CHID1: variants seen among roughly 807,000 people sequenced by gnomAD.
CHID1 encodes the protein chitinase domain-containing protein 1.
A neutral mutation model predicts 55.4 loss-of-function variants in CHID1; 44 were observed. The ratio of observed to expected loss-of-function variants is 0.79; its 90% CI spans 0.62 to 1.02. The LOEUF is 1.02. Ranked by LOEUF, CHID1 falls within the 50% of genes least tolerant of loss-of-function variation. The pLI, the probability that CHID1 is intolerant of heterozygous loss-of-function variation, is 0.00. For missense variants in CHID1, 491 were observed against 515.3 expected (o/e 0.95, Z 0.46); for synonymous variants, 216 against 212.9 (o/e 1.01, Z -0.13).
At chr11:899,533 G>T in intron 6 of CHID1, 132 bp from the exon 7 acceptor site, 1 of 783,182 alleles carries the variant, frequency 1.3e-6, no homozygotes, top group Admixed American at 2.2e-5. Context: ...ACCCAAGCCT[G>T]GGCTGTATGC....
chr11:894,230 C>A (rs776103040), intron 7 of CHID1, among the ~76,000 whole-genome samples: 2 of 152,096 alleles, frequency 1.3e-5, no homozygotes, highest in African/African-American at 2.4e-5. Context: ...CCAAGGGCCC[C>A]ACCTGCCTGG....
intron 2 of CHID1, among the ~76,000 whole-genome samples, chr11:903,441 G>A (rs1851973610): frequency 6.6e-6 from 1 of 152,198 alleles, no homozygotes; most frequent in Non-Finnish European, 1.5e-5. Context: ...CTGGCCACTC[G>A]ATACCCATCC....
Position 902,898 on chromosome 11 carries a change from C to T in CHID1, c.261+64G>A, listed in dbSNP as rs532740764. 54 of 1,517,730 alleles carry T rather than the reference C, an allele frequency of 3.6e-5. No individual in the cohort carries two copies. The African/African-American group carries it at 4.8e-4, about 13-fold the overall frequency. The allele number at this position is 1,517,730 out of a possible 1,614,324, so 94.0% of individuals were successfully genotyped here. ...ACTGACTGGCCAGAAGAGGCCATCA[C>T]GGGGCCAGGGCAGCCCACCTGAGCC... is the stretch of plus-strand genomic sequence containing the variant. On this transcript the variant is annotated intron_variant, in intron 3 of 12. Coordinates refer to ENST00000323578, the MANE Select transcript of CHID1 (RefSeq NM_023947.4).
At chr11:888,430 T>C (rs983079871) in intron 8 of CHID1, among the ~76,000 whole-genome samples, 4 of 152,204 alleles carry the variant, frequency 2.6e-5, no homozygotes, top group African/African-American at 9.6e-5. Context: ...CTCCCCAGCC[T>C]GTGTCCTTCA....
Position 876,245 on chromosome 11 carries a change from C to T in CHID1, c.960-5746G>A, listed in dbSNP as rs184755168. On this transcript the variant is annotated intron_variant, in intron 10 of 12. Transcript: ENST00000323578. The stretch of plus-strand genomic sequence containing the variant: ...GGAGGACCCACAGGACACCCCACAA[C>T]GGGTGGCCCATCTCACCCTGTGCAC... Among the ~76,000 whole-genome samples the T allele has an allele frequency of 3.3e-3, 505 of 152,280 alleles. 12 individuals are homozygous for T. In the South Asian group the frequency reaches 0.056, roughly 17 times the overall value.
At chr11:873,892 G>C (rs1268544759) in intron 10 of CHID1, among the ~76,000 whole-genome samples, 1 of 152,120 alleles carries the variant, frequency 6.6e-6, no homozygotes, top group Non-Finnish European at 1.5e-5. Context: ...GCCAAGGAAA[G>C]CCAAACAGGA....
chr11:888,220 A>G (rs1043154332), intron 8 of CHID1, among the ~76,000 whole-genome samples: 1 of 152,220 alleles, frequency 6.6e-6, no homozygotes, highest in Non-Finnish European at 1.5e-5. Context: ...GTGGTAACAC[A>G]ACACGAGGGA....
intron 3 of CHID1, among the ~76,000 whole-genome samples, chr11:902,568 A>C (rs1321838107): frequency 6.6e-6 from 1 of 152,212 alleles, no homozygotes; most frequent in Non-Finnish European, 1.5e-5. Flanking sequence ...GCTTGTCTTA[A>C]GCCCCACCTG....
intron 8 of CHID1, among the ~76,000 whole-genome samples, chr11:892,976 A>ACTCTCAGG (rs1325669038): frequency 1.3e-5 from 2 of 152,230 alleles, no homozygotes; most frequent in Non-Finnish European, 2.9e-5. Flanking sequence ...CCAACCGCAC[A>ACTCTCAGG]CAGCGAGTGG....
chr11:914,468 G>A, upstream of CHID1: 1 of 1,209,182 alleles, frequency 8.3e-7, no homozygotes, highest in Non-Finnish European at 1.1e-6. Flanking sequence ...GGCCTGCAGA[G>A]ATGAGTGTTT....
At chr11:900,140 C>A in intron 5 of CHID1, 30 bp from the exon 6 acceptor site, 1 of 1,563,588 alleles carries the variant, frequency 6.4e-7, no homozygotes, top group Non-Finnish European at 8.8e-7. Flanking sequence ...ACACGGGGGC[C>A]GTGACTGGGA....
Position 869,650 on chromosome 11 carries a change from G to A in CHID1, c.*208C>T, listed in dbSNP as rs185557507. ...GCGGATGCCCGGGTGGGAGGGGCTCGAGCTCTCAGGGTGTCCCCCAGCTAG... is the reference window on the plus strand; with the variant it reads ...GCGGATGCCCGGGTGGGAGGGGCTCAAGCTCTCAGGGTGTCCCCCAGCTAG... On this transcript the variant is annotated 3_prime_UTR_variant, in exon 13 of 13. Transcript: ENST00000323578. 2.8e-4 allele frequency: 165 copies of A among 591,878 alleles called. No individual in the cohort carries two copies. In the African/African-American group the frequency reaches 2.8e-3, roughly 10 times the overall value. 36.7% of individuals were successfully genotyped at this position (591,878 alleles called of 1,614,324 possible).
intron 2 of CHID1, among the ~76,000 whole-genome samples, chr11:903,377 G>C (rs1484192644): frequency 6.6e-6 from 1 of 152,226 alleles, no homozygotes; most frequent in Non-Finnish European, 1.5e-5. Flanking sequence ...CAGGCAGACA[G>C]ACAGTTATGG....
chr11:911,845 T>C (rs116216108), upstream of CHID1, among the ~76,000 whole-genome samples: 751 of 152,210 alleles, frequency 4.9e-3, 9 homozygotes, highest in African/African-American at 0.017. Flanking sequence ...AAGCCTGACC[T>C]TTGGGGGTGA....
intron 4 of CHID1, among the ~76,000 whole-genome samples, chr11:901,345 C>T (rs1589890510): frequency 1.3e-5 from 2 of 152,306 alleles, no homozygotes; most frequent in East Asian, 3.9e-4. Context: ...ACCCGCCAGG[C>T]CCTGACACTG....
intron 10 of CHID1, among the ~76,000 whole-genome samples, chr11:876,198 C>T (rs1488486336): frequency 6.6e-6 from 1 of 152,150 alleles, no homozygotes; most frequent in Non-Finnish European, 1.5e-5. Context: ...GGGAGAAGAG[C>T]CCCAGCTTCT....
intron 3 of CHID1, 23 bp downstream of exon 3, chr11:902,939 G>A (rs12799186): frequency 0.47 from 759,584 of 1,608,220 alleles, 186,808 homozygotes; most frequent in Admixed American, 0.54. Context: ...ACCTCCCTCT[G>A]CACTGTGAGG....
chr11:874,376 T>A (rs1053414350), intron 10 of CHID1, among the ~76,000 whole-genome samples: 1 of 152,080 alleles, frequency 6.6e-6, no homozygotes, highest in Non-Finnish European at 1.5e-5. Flanking sequence ...GGCAGGAGAA[T>A]CACTTGAACC....
At chr11:886,882 G>A (rs1389842561) in intron 8 of CHID1, among the ~76,000 whole-genome samples, 1 of 152,214 alleles carries the variant, frequency 6.6e-6, no homozygotes, top group Non-Finnish European at 1.5e-5. Context: ...ATCTCCCCGT[G>A]GCTTTCATTT....
Sources: gnomAD v4.1 joint callset for allele counts (sites outside exome capture counted in the v4.1 genomes callset) on GRCh38, gnomAD v4.1.1 for gene constraint, MANE v1.5 for transcripts, NCBI Gene and HGNC (gene_info 2026-07-23, HGNC 2026-07-21) for gene names.